Variants in NPIPB2 observed in about 807,000 individuals in gnomAD.
NPIPB2 encodes nuclear pore complex interacting protein family member B2.
Under a neutral mutation model 30.8 loss-of-function variants are expected in NPIPB2, and 27 were observed. The ratio of observed to expected loss-of-function variants is 0.88; its 90% CI spans 0.65 to 1.21. NPIPB2 has a LOEUF of 1.21. NPIPB2 is among the 50% of genes most tolerant of loss of function. The pLI, the probability that NPIPB2 is intolerant of heterozygous loss-of-function variation, is 0.00. For synonymous variants in NPIPB2, 147 were observed against 162.0 expected (o/e 0.91, Z 0.70); for missense variants, 440 against 446.2 (o/e 0.99, Z 0.13).
At chr16:11,941,273 G>T in intron 1 of NPIPB2, 1 of 1,482,758 alleles carries the variant, frequency 6.7e-7, no homozygotes, top group Non-Finnish European at 9.0e-7. Flanking sequence ...GCCCTGAGGC[G>T]GCCAGGACAG....
chr16:11,974,133 A>G (rs1441618039), intron 1 of NPIPB2, among the ~76,000 whole-genome samples: 1 of 152,118 alleles, frequency 6.6e-6, no homozygotes, highest in Non-Finnish European at 1.5e-5. Context: ...GAGGCCAGAG[A>G]GACTATGATG....
chr16:11,947,296 T>TTTTATTTATTTA (rs146457872), intron 1 of NPIPB2, among the ~76,000 whole-genome samples: 99 of 135,952 alleles, frequency 7.3e-4, no homozygotes, highest in Middle Eastern at 7.4e-3. Flanking sequence ...CATACACATA[T>TTTTATTTATTTA]TTTATTTATT....
At chr16:11,967,411 G>T (rs1456928531) in intron 1 of NPIPB2, among the ~76,000 whole-genome samples, 3 of 152,160 alleles carry the variant, frequency 2.0e-5, no homozygotes, top group Non-Finnish European at 4.4e-5. Flanking sequence ...CTTGAGCCCA[G>T]GAGTTTGAAT....
chr16:11,953,935 C>G (rs1235654425), intron 1 of NPIPB2, among the ~76,000 whole-genome samples: 2 of 151,968 alleles, frequency 1.3e-5, no homozygotes, highest in African/African-American at 4.8e-5. Context: ...CTTGGCCTCC[C>G]AAAGTCCTGG....
At chr16:11,967,736 T>A in intron 1 of NPIPB2, 1 of 1,614,206 alleles carries the variant, frequency 6.2e-7, no homozygotes, top group Middle Eastern at 1.6e-4. Context: ...CACTCCCAGC[T>A]ATGGAGGAAG....
At chr16:11,975,752 G>C (rs2055284604) in intron 1 of NPIPB2, among the ~76,000 whole-genome samples, 2 of 152,014 alleles carry the variant, frequency 1.3e-5, no homozygotes, top group Middle Eastern at 3.4e-3. Flanking sequence ...CACCATGCCT[G>C]GCTAATTTTT....
rs553810246 is a variant in NPIPB2, at chr16:11,927,608, A to T, written c.959T>A (p.Leu320His). The T allele has an allele frequency of 3.1e-6, 5 of 1,606,014 alleles. No homozygotes were observed. The Admixed American group carries it at 8.4e-5, about 27-fold the overall frequency. The change falls in exon 8 of 8, where the codon CTC becomes CAC. Residue 320 changes from leucine to histidine, a missense_variant. Coordinates refer to ENST00000399147, the Ensembl canonical transcript of NPIPB2. Reference sequence around the variant, plus strand: ...CTGAGTAGCTAAGGGAGGTGTCTTGAGATTATCATCCGCTGAGGGTGGAGC... The same window carrying T: ...CTGAGTAGCTAAGGGAGGTGTCTTGTGATTATCATCCGCTGAGGGTGGAGC...
chr16:11,970,155 C>A (rs2055227454), intron 1 of NPIPB2, among the ~76,000 whole-genome samples: 1 of 151,984 alleles, frequency 6.6e-6, no homozygotes, highest in South Asian at 2.1e-4. Context: ...TAGAGACCAG[C>A]CTGACCAACA....
At chr16:11,972,422 T>A (rs2055241642) in intron 1 of NPIPB2, among the ~76,000 whole-genome samples, 1 of 150,022 alleles carries the variant, frequency 6.7e-6, no homozygotes, top group Non-Finnish European at 1.5e-5. Flanking sequence ...GAAAATACAA[T>A]AATTAGCCGG....
chr16:11,944,766 A>G (rs1382174293), upstream of NPIPB2, among the ~76,000 whole-genome samples: 1 of 149,164 alleles, frequency 6.7e-6, no homozygotes, highest in Non-Finnish European at 1.5e-5. Context: ...AAAAACTGGA[A>G]CAGAAAACAA....
At chr16:11,933,546 G>C in exon 4 of NPIPB2, 2 of 1,597,070 alleles carry the variant, frequency 1.3e-6, no homozygotes, top group Non-Finnish European at 1.7e-6. Context: ...TCTTTCCATT[G>C]ATTTTGTCAT....
Position 11,933,725 on chromosome 16 carries a change from G to T in NPIPB2, c.293-13C>A, listed in dbSNP as rs748300458. The T allele has an allele frequency of 5.0e-6, 8 of 1,596,754 alleles. No individual in the cohort carries two copies. On this transcript the variant is annotated splice_polypyrimidine_tract_variant and intron_variant, in intron 3 of 7. Transcript: ENST00000399147. ...ATGGACCTCAGCCCTTGGTGAGAGT[G>T]AGGAGAGGAGAAGGTGAGAAACCTG...
At chr16:11,932,821 T>G in intron 4 of NPIPB2, among the ~76,000 whole-genome samples, 1 of 99,164 alleles carries the variant, frequency 1.0e-5, no homozygotes, top group Non-Finnish European at 1.9e-5. Context: ...ATTGGCCAAA[T>G]GTGGTGGCAC....
At chr16:11,955,397 G>T (rs1448582192) in intron 1 of NPIPB2, among the ~76,000 whole-genome samples, 1 of 147,300 alleles carries the variant, frequency 6.8e-6, no homozygotes, top group South Asian at 2.2e-4. Flanking sequence ...TTTAGAGAGA[G>T]ACTATCTTTG....
At chr16:11,943,838 A>G (rs1006548351), upstream of NPIPB2, among the ~76,000 whole-genome samples, 2 of 150,834 alleles carry the variant, frequency 1.3e-5, no homozygotes, top group Non-Finnish European at 3.0e-5. Flanking sequence ...CTCTACTAAA[A>G]ATACAAAAAA....
At chr16:11,976,483 T>A (rs1461560238) in intron 1 of NPIPB2, 2 of 325,384 alleles carry the variant, frequency 6.1e-6, no homozygotes, top group African/African-American at 4.3e-5. Context: ...AGTCGCCCCA[T>A]CACTCGTGGG....
chr16:11,930,542 G>A lies in NPIPB2; in HGVS notation c.498C>T (p.Ser166=), dbSNP rs561387242. Residue 166 remains serine (S), a synonymous_variant, in exon 5 of 8, where the codon AGC becomes AGT. Coordinates refer to ENST00000399147, the Ensembl canonical transcript of NPIPB2. ...TTTCTGCATGCTCACATTCTTTCACGCTTAGTTTCCTCAGATTAGAAGGGA... is the reference window on the plus strand; with the variant it reads ...TTTCTGCATGCTCACATTCTTTCACACTTAGTTTCCTCAGATTAGAAGGGA... 3.4e-5 allele frequency: 54 copies of A among 1,583,136 alleles called. 1 individual carries two copies. In the South Asian group the frequency reaches 5.3e-4, roughly 15 times the overall value.
upstream of NPIPB2, among the ~76,000 whole-genome samples, chr16:11,946,788 T>C (rs2055014995): frequency 6.6e-6 from 1 of 152,084 alleles, no homozygotes; most frequent in East Asian, 1.9e-4. Flanking sequence ...CGTAGGTATC[T>C]CTGACTGAGA....
intron 1 of NPIPB2, chr16:11,941,019 C>T (rs1469833985): frequency 2.6e-6 from 2 of 755,270 alleles, no homozygotes; most frequent in Non-Finnish European, 1.9e-6. Flanking sequence ...GCTATGATGC[C>T]CTGGCTAGTC....
Sources: allele counts gnomAD v4.1 joint callset (sites outside exome capture counted in the v4.1 genomes callset), GRCh38; gene constraint gnomAD v4.1.1; transcripts MANE v1.5; gene names NCBI Gene and HGNC (gene_info 2026-07-23, HGNC 2026-07-21).